The following KREMEN1 variants were observed in gnomAD, a reference collection of about 807,000 sequenced individuals.
KREMEN1 encodes kringle containing transmembrane protein 1, also known as kremen protein 1.
In KREMEN1, 30 loss-of-function variants were observed where a neutral mutation model predicts 46.5. The ratio of observed to expected loss-of-function variants is 0.65; its 90% CI spans 0.48 to 0.88. The LOEUF (loss-of-function observed/expected upper bound fraction) is 0.88, where lower values mean the gene tolerates loss of function less well. Ranked by LOEUF, KREMEN1 falls within the 40% of genes least tolerant of loss-of-function variation. The pLI, the probability that KREMEN1 is intolerant of heterozygous loss-of-function variation, is 0.00. For missense variants in KREMEN1, 533 were observed against 596.9 expected (o/e 0.89, Z 1.11); for synonymous variants, 214 against 230.6 (o/e 0.93, Z 0.65).
intron 1 of KREMEN1, among the ~76,000 whole-genome samples, chr22:29,077,036 ATGAG>A (rs1173603773): frequency 1.3e-5 from 2 of 152,244 alleles, no homozygotes; most frequent in African/African-American, 2.4e-5. Context: ...AAAGCAATAA[ATGAG>A]TAAGATAAAA....
At chr22:29,118,236 G>A (rs980856996) in intron 3 of KREMEN1, among the ~76,000 whole-genome samples, 4 of 152,200 alleles carry the variant, frequency 2.6e-5, no homozygotes, top group South Asian at 4.1e-4. Context: ...TATGCAAAGC[G>A]AGAAAACAAT....
At chr22:29,086,770 C>CT (rs2037735591) in intron 1 of KREMEN1, among the ~76,000 whole-genome samples, 1 of 152,016 alleles carries the variant, frequency 6.6e-6, no homozygotes, top group South Asian at 2.1e-4. Context: ...CTATATATAT[C>CT]TTTTTTGAGA....
Position 29,146,648 on chromosome 22 carries a change from ACAT to A in KREMEN1, c.*4540_*4542del, listed in dbSNP as rs1166174575. 1 of 961,178 alleles carries A rather than the reference ACAT, an allele frequency of 1.0e-6. No homozygotes were observed. The highest frequency in any genetic ancestry group is 1.8e-5 in the African/African-American group (1 of 56,694). 59.5% of individuals were successfully genotyped at this position (961,178 alleles called of 1,614,324 possible). A position where few individuals can be genotyped will look rare whatever the true frequency, so the allele number is the denominator to read the frequency against. ...ATGCAACTTTGAGAATAAAATAGAA[ACAT>A]CATGTATTTTAAAATATAAGATGAA... On this transcript the variant is annotated 3_prime_UTR_variant, in exon 9 of 9. Coordinates refer to ENST00000400335, the MANE Select transcript of KREMEN1 (RefSeq NM_001039570.3).
chr22:29,081,948 G>A (rs2037661838), intron 1 of KREMEN1, among the ~76,000 whole-genome samples: 1 of 152,186 alleles, frequency 6.6e-6, no homozygotes, highest in Non-Finnish European at 1.5e-5. Flanking sequence ...ATCAGCCAAG[G>A]GAAACTGAAA....
chr22:29,127,216 C>G (rs132273), intron 5 of KREMEN1, among the ~76,000 whole-genome samples: 144,037 of 152,236 alleles, frequency 0.95, 68,181 homozygotes, highest in East Asian at 0.96. Context: ...TCACAGAAGA[C>G]AGCCACATGA....
chr22:29,107,109 C>A (rs1474126166), intron 3 of KREMEN1, among the ~76,000 whole-genome samples: 1 of 152,058 alleles, frequency 6.6e-6, no homozygotes, highest in East Asian at 1.9e-4. Flanking sequence ...CAAAACAGTT[C>A]GTCAGCAGCT....
At position 29,094,279 on chromosome 22, in the gene KREMEN1, C is replaced by A; in HGVS notation, c.119C>A (p.Ala40Glu). ...PGPECFTANG[A>E]DYRGTQNWTA... ...CTAGAGTGTTTCACAGCCAATGGTG[C>A]GGATTATAGGGGAACACAGAACTGG... The change falls in exon 2 of 9, where the codon GCG (alanine) becomes GAG (glutamate). Residue 40 changes from alanine to glutamate, a missense_variant. Ala to Glu is a moderately radical substitution (Grantham distance 107, BLOSUM62 -1). Transcript: ENST00000400335. 1.2e-6 allele frequency: 2 copies of A among 1,609,448 alleles called. No individual in the cohort carries two copies. The highest frequency in any genetic ancestry group is 1.1e-5 in the South Asian group (1 of 90,096).
chr22:29,135,100 T>C (rs906039008), intron 5 of KREMEN1, among the ~76,000 whole-genome samples: 6 of 152,184 alleles, frequency 3.9e-5, no homozygotes, highest in African/African-American at 1.4e-4. Flanking sequence ...GCGTCTGTGG[T>C]GGATCTTGGG....
chr22:29,127,025 T>A, intron 5 of KREMEN1, among the ~76,000 whole-genome samples: 1 of 152,250 alleles, frequency 6.6e-6, no homozygotes, highest in East Asian at 1.9e-4. Context: ...TTCTCTGCCT[T>A]AACACTGTAA....
intron 5 of KREMEN1, among the ~76,000 whole-genome samples, chr22:29,126,480 A>G (rs539881823): frequency 1.3e-5 from 2 of 152,014 alleles, no homozygotes; most frequent in South Asian, 2.1e-4. Context: ...TCTCTTTCAC[A>G]TGGCCATCTT....
intron 9 of KREMEN1, among the ~76,000 whole-genome samples, chr22:29,165,756 G>A (rs1422886061): frequency 6.6e-6 from 1 of 152,176 alleles, no homozygotes; most frequent in African/African-American, 2.4e-5. Flanking sequence ...TGATAGAAGT[G>A]TCCCCCGAAC....
In KREMEN1 at chr22:29,094,469, CTCT is replaced by C. The variant is rs556249872; in HGVS notation, c.260+55_260+57del. On this transcript the variant is annotated intron_variant, in intron 2 of 8. Transcript: ENST00000400335. ...TTAAAAAGATAGATATATATCTAGT[CTCT>C]TCTTCCAACCCCTTTCATCCCAGCT... The C allele has an allele frequency of 3.8e-4, 574 of 1,510,800 alleles. 1 individual carries two copies. In the African/African-American group the frequency reaches 7.3e-3, roughly 19 times the overall value. The allele number at this position is 1,510,800 out of a possible 1,614,324, so 93.6% of individuals were successfully genotyped here. A position where few individuals can be genotyped will look rare whatever the true frequency, so the allele number is the denominator to read the frequency against.
rs773734763 is a variant in KREMEN1 at position 29,137,538 on chromosome 22, C to T, written c.828C>T (p.Tyr276=). The T allele has an allele frequency of 4.3e-6, 7 of 1,613,602 alleles. No homozygotes were observed. The highest frequency in any genetic ancestry group is 5.1e-6 in the Non-Finnish European group (6 of 1,179,484). ...ACATGGTGGAGCTTCTGGATGGCTA[C>T]ACCCACCGTGTCCTAGCCCGCTTCC... ...SADMVELLDG[Y]THRVLARFHG... The change falls in exon 6 of 9, where the codon TAC becomes TAT. Residue 276 remains tyrosine (Y), a synonymous_variant. Transcript: ENST00000400335.
chr22:29,158,972 C>A (rs2038986074), intron 9 of KREMEN1, among the ~76,000 whole-genome samples: 2 of 152,166 alleles, frequency 1.3e-5, no homozygotes, highest in Admixed American at 1.3e-4. Context: ...GCAGCTGCCA[C>A]CAAGCTGGGC....
chr22:29,090,152 A>C (rs1280986321), intron 1 of KREMEN1, among the ~76,000 whole-genome samples: 1 of 152,246 alleles, frequency 6.6e-6, no homozygotes, highest in African/African-American at 2.4e-5. Context: ...ATTAATGAAT[A>C]ATTTCCTAGA....
rs150042469 is a variant in KREMEN1 at position 29,091,412 on chromosome 22, A to C, written c.98-2846A>C. On this transcript the variant is annotated intron_variant, in intron 1 of 8. Transcript: ENST00000400335. ...ATTGATCTATTGAGCTGCATCTCTGATTTCTGGCCCCTGGATCACCCTTCA... is the reference window on the plus strand; with the variant it reads ...ATTGATCTATTGAGCTGCATCTCTGCTTTCTGGCCCCTGGATCACCCTTCA... Among the ~76,000 whole-genome samples the C allele has an allele frequency of 5.7e-3, 871 of 152,250 alleles. 8 individuals are homozygous for C. The highest frequency in any genetic ancestry group is 0.02 in the African/African-American group (811 of 41,542).
chr22:29,141,477 C>G (rs138123314), intron 8 of KREMEN1, among the ~76,000 whole-genome samples: 1 of 152,200 alleles, frequency 6.6e-6, no homozygotes, highest in African/African-American at 2.4e-5. Flanking sequence ...CCTCTGACAT[C>G]GGCTGCAGCT....
intron 3 of KREMEN1, among the ~76,000 whole-genome samples, chr22:29,116,640 A>G (rs1460161358): frequency 6.6e-6 from 1 of 152,206 alleles, no homozygotes. Flanking sequence ...CTTTCTGTAA[A>G]CTAATACATA....
intron 5 of KREMEN1, among the ~76,000 whole-genome samples, chr22:29,133,323 A>G (rs2038596885): frequency 6.6e-6 from 1 of 150,712 alleles, no homozygotes; most frequent in African/African-American, 2.4e-5. Context: ...TTTTTGAGAC[A>G]GGGTCTTACT....
Sources: gnomAD v4.1 joint callset for allele counts (sites outside exome capture counted in the v4.1 genomes callset) on GRCh38, gnomAD v4.1.1 for gene constraint, MANE v1.5 for transcripts, NCBI Gene and HGNC (gene_info 2026-07-23, HGNC 2026-07-21) for gene names.